Variants in ENDOV observed in about 807,000 individuals in gnomAD.
ENDOV encodes endonuclease V, also known as hEndoV.
A neutral mutation model predicts 39.4 loss-of-function variants in ENDOV; 37 were observed. That is an observed-to-expected ratio of 0.94 (90% CI 0.72 to 1.23). ENDOV has a LOEUF of 1.23. Ranked by LOEUF, ENDOV falls within the 50% of genes most tolerant of loss-of-function variation. The pLI is 0.00. For missense variants in ENDOV, 441 were observed against 375.7 expected (o/e 1.17, Z -1.44); for synonymous variants, 186 against 163.4 (o/e 1.14, Z -1.05).
chr17:80,424,475 C>G (rs1017478028), intron 5 of ENDOV: 4 of 396,370 alleles, frequency 1.0e-5, no homozygotes, highest in Non-Finnish European at 1.8e-5. Flanking sequence ...GATTGTTGCC[C>G]TTGTTCTAAG....
chr17:80,436,114 C>T lies in ENDOV; in HGVS notation c.839-19C>T, dbSNP rs1230401455. 5 of 1,610,038 alleles carry T rather than the reference C, an allele frequency of 3.1e-6. No individual in the cohort carries two copies. The highest frequency in any genetic ancestry group is 4.2e-6 in the Non-Finnish European group (5 of 1,179,008). On this transcript the variant is annotated intron_variant, in intron 9 of 9. Transcript: ENST00000518137. The stretch of plus-strand genomic sequence containing the variant: ...TTTATTTCTTTTTCTTGCCTCATTG[C>T]TCTGGCTGGAACGTCTAGCACTTTG...
chr17:80,425,615 C>A lies in ENDOV; in HGVS notation c.709C>A (p.Arg237Ser). 1 of 1,582,104 alleles carries A rather than the reference C, an allele frequency of 6.3e-7. No individual in the cohort carries two copies. The highest frequency in any genetic ancestry group is 8.5e-7 in the Non-Finnish European group (1 of 1,170,498). Residue 237 changes from arginine (R) to serine (S), a missense_variant, in exon 7 of 10, where the codon CGC (arginine) becomes AGC (serine). Coordinates refer to ENST00000518137, the MANE Select transcript of ENDOV (RefSeq NM_173627.5). ...CAGGTTCCGGATCCCAGAGCCCGTG[C>A]GCCAGGTGGGTGTGCTGGGGATGCG... ...CCRFRIPEPV[R>S]QADICSREHI...
rs138879029 is a variant in ENDOV at position 80,431,764 on chromosome 17, C to T, written c.838+1933C>T. Reference sequence around the variant, plus strand: ...TCACCGTGGCAGAGGAATCTCTGCCCTTCCCACCGAAAGGGGCAGGAGCTA... The same window carrying T: ...TCACCGTGGCAGAGGAATCTCTGCCTTTCCCACCGAAAGGGGCAGGAGCTA... On this transcript the variant is annotated intron_variant, in intron 9 of 9. Transcript: ENST00000518137. Among the ~76,000 whole-genome samples the T allele has an allele frequency of 2.2e-3, 341 of 152,324 alleles. 3 individuals carry two copies. Among genetic ancestry groups the T allele is most frequent in the African/African-American group, 7.8e-3 (324 of 41,570 alleles).
chr17:80,419,679 C>G, intron 2 of ENDOV: 1 of 702,912 alleles, frequency 1.4e-6, no homozygotes, highest in South Asian at 1.5e-5. Flanking sequence ...TCCTTGACCA[C>G]ACTGTCCCAA....
At chr17:80,423,482 C>G in intron 4 of ENDOV, 38 bp from the exon 5 acceptor site, 1 of 1,301,262 alleles carries the variant, frequency 7.7e-7, no homozygotes, top group Non-Finnish European at 1.1e-6. Context: ...AGGCCCCAGC[C>G]CCACCTCCCC....
intron 8 of ENDOV, 45 bp downstream of exon 8, chr17:80,428,705 A>G: frequency 1.3e-6 from 2 of 1,534,990 alleles, no homozygotes; most frequent in Non-Finnish European, 1.8e-6. Flanking sequence ...CATCTCACAG[A>G]CACCTGCATG....
chr17:80,419,675 AC>A (rs768684695), intron 2 of ENDOV: 7 of 702,678 alleles, frequency 1.0e-5, no homozygotes, highest in Middle Eastern at 2.3e-4. Flanking sequence ...CTGCTCCTTG[AC>A]CACACTGTCC....
At chr17:80,415,937 A>C in intron 2 of ENDOV, 116 bp downstream of exon 2, 4 of 1,347,360 alleles carry the variant, frequency 3.0e-6, no homozygotes, top group Non-Finnish European at 4.0e-6. Context: ...GTAGGATGTC[A>C]TTAATAGTCT....
intron 2 of ENDOV, chr17:80,420,075 TTC>T: frequency 4.3e-6 from 1 of 234,172 alleles, no homozygotes; most frequent in Non-Finnish European, 8.7e-6. Flanking sequence ...CTCTGGAATA[TTC>T]TCTCTCGCGC....
At chr17:80,427,847 G>A in intron 7 of ENDOV, 2 of 1,280,018 alleles carry the variant, frequency 1.6e-6, no homozygotes, top group Non-Finnish European at 2.0e-6. Context: ...CGCTCCAGGG[G>A]AAGGTGAGAG....
At chr17:80,431,594 G>A (rs1430768626) in intron 9 of ENDOV, among the ~76,000 whole-genome samples, 3 of 152,170 alleles carry the variant, frequency 2.0e-5, no homozygotes, top group Admixed American at 6.5e-5. Flanking sequence ...AGTGTGGGGC[G>A]AGAGGGAGCC....
At chr17:80,419,536 C>G (rs1469629921) in intron 2 of ENDOV, 1 of 700,342 alleles carries the variant, frequency 1.4e-6, no homozygotes. Context: ...CTAGTGTGTT[C>G]TGCTCCGCAG....
In ENDOV at chr17:80,438,047, A is replaced by G. The variant is rs2083648009; in HGVS notation, c.*1904A>G. ...GCTGGGACCTGGGTCTAGGATTCTC[A>G]GTAAGACCTTTGAATAAAACTAACT... On this transcript the variant is annotated 3_prime_UTR_variant, in exon 10 of 10. Coordinates refer to ENST00000518137, the MANE Select transcript of ENDOV (RefSeq NM_173627.5). 1 of 152,256 alleles carries G rather than the reference A, an allele frequency of 6.6e-6. No individual in the cohort carries two copies. The highest frequency in any genetic ancestry group is 1.5e-5 in the Non-Finnish European group (1 of 68,050). 9.4% of individuals were successfully genotyped at this position (152,256 alleles called of 1,614,324 possible).
Position 80,415,264 on chromosome 17 carries a change from GCGA to G in ENDOV, c.56+17_56+19del, listed in dbSNP as rs2144740045. ...ACTGTGGAAACGGTAATGCTGTCAG[GCGA>G]CGCGCAGGAGGCGGGGGCCGAGGCC... On this transcript the variant is annotated intron_variant, in intron 1 of 9. Transcript: ENST00000518137. The G allele has an allele frequency of 6.2e-7, 1 of 1,613,046 alleles. No individual in the cohort carries two copies. The highest frequency in any genetic ancestry group is 1.1e-5 in the South Asian group (1 of 91,020).
intron 9 of ENDOV, among the ~76,000 whole-genome samples, chr17:80,435,826 C>T (rs1477472044): frequency 6.6e-6 from 1 of 151,854 alleles, no homozygotes; most frequent in Non-Finnish European, 1.5e-5. Flanking sequence ...CCGTGTTAGC[C>T]AGGATGGTCT....
Position 80,415,428 on chromosome 17 carries a change from G to T in ENDOV, c.56+178G>T, listed in dbSNP as rs41298658. 5.1e-4 allele frequency: 507 copies of T among 997,974 alleles called. 1 individual carries two copies. In the African/African-American group the frequency reaches 7.6e-3, roughly 15 times the overall value. 61.8% of individuals were successfully genotyped at this position (997,974 alleles called of 1,614,324 possible). On this transcript the variant is annotated intron_variant, in intron 1 of 9. Coordinates refer to ENST00000518137, the MANE Select transcript of ENDOV (RefSeq NM_173627.5). ...GATCTCAGGAATTGTAGTCCGCGGG[G>T]TGGGCGCGGTTCTCGCTTCCGGCCA...
In ENDOV at chr17:80,436,778, G is replaced by T. The variant is rs1214630550; in HGVS notation, c.*635G>T. ...GGATAATATTAGCCTCATAGATTGG[G>T]TTAGGAAATGTTCTCTCCTCCGTTT... On this transcript the variant is annotated 3_prime_UTR_variant, in exon 10 of 10. Coordinates refer to ENST00000518137, the MANE Select transcript of ENDOV (RefSeq NM_173627.5). 6.5e-6 allele frequency: 1 copy of T among 153,456 alleles called. No homozygotes were observed. The allele number at this position is 153,456 out of a possible 1,614,324, so 9.5% of individuals were successfully genotyped here.
chr17:80,422,038 A>G lies in ENDOV; in HGVS notation c.363+76A>G, dbSNP rs41298708. 5,111 of 1,578,804 alleles carry G rather than the reference A, an allele frequency of 3.2e-3. 141 individuals carry two copies. In the African/African-American group the frequency reaches 0.059, roughly 18 times the overall value. On this transcript the variant is annotated intron_variant, in intron 3 of 9. Coordinates refer to ENST00000518137, the MANE Select transcript of ENDOV (RefSeq NM_173627.5). ...GGAGGGAAGGCTGCTGCAGGTCGCC[A>G]CCACCACAGTGGCAGGGAGAGACTC... is the stretch of plus-strand genomic sequence containing the variant.
chr17:80,425,810 T>C (rs1317286977), intron 7 of ENDOV, among the ~76,000 whole-genome samples, 190 bp downstream of exon 7: 2 of 152,092 alleles, frequency 1.3e-5, no homozygotes, highest in Admixed American at 6.5e-5. Context: ...GACAGTAGAC[T>C]GGGGGGTGCA....
Sources: gnomAD v4.1 joint callset for allele counts (sites outside exome capture counted in the v4.1 genomes callset) on GRCh38, gnomAD v4.1.1 for gene constraint, MANE v1.5 for transcripts, NCBI Gene and HGNC (gene_info 2026-07-23, HGNC 2026-07-21) for gene names.